ABHD3: variants seen among roughly 807,000 people sequenced by gnomAD.
The protein encoded by ABHD3 is phospholipase ABHD3.
In ABHD3, 46 loss-of-function variants were observed where a neutral mutation model predicts 48.8. The ratio of observed to expected loss-of-function variants is 0.94; its 90% confidence interval spans 0.74 to 1.20. ABHD3 has a LOEUF of 1.20. Among genes scored for constraint, ABHD3 ranks in the 50% most tolerant of loss-of-function variants. The pLI is 0.00. For synonymous variants in ABHD3, 192 were observed against 183.7 expected (o/e 1.04, Z -0.36); for missense variants, 490 against 497.8 (o/e 0.98, Z 0.15).
chr18:21,704,773 G>C lies in ABHD3; in HGVS notation c.-108C>G, dbSNP rs982719835. ...GCGCCGCTGCCTACTCCCGACCACAGTGTCTCCTGCCTGGCGGAGCGCGGC... is the reference window on the plus strand; with the variant it reads ...GCGCCGCTGCCTACTCCCGACCACACTGTCTCCTGCCTGGCGGAGCGCGGC... On this transcript the variant is annotated 5_prime_UTR_variant, in exon 1 of 9. Coordinates refer to ENST00000289119, the MANE Select transcript of ABHD3 (RefSeq NM_138340.5). The C allele has an allele frequency of 5.0e-4, 545 of 1,081,452 alleles. 5 individuals carry two copies. The African/African-American group carries it at 9.5e-3, about 19-fold the overall frequency. The allele number at this position is 1,081,452 out of a possible 1,614,324, so 67.0% of individuals were successfully genotyped here.
intron 4 of ABHD3, among the ~76,000 whole-genome samples, chr18:21,674,367 G>T (rs2039828286): frequency 6.6e-6 from 1 of 151,400 alleles, no homozygotes; most frequent in Non-Finnish European, 1.5e-5. Flanking sequence ...TCAACCTCCT[G>T]AGTAGCTGGG....
intron 4 of ABHD3, among the ~76,000 whole-genome samples, chr18:21,670,347 A>G (rs2039729679): frequency 6.6e-6 from 1 of 152,196 alleles, no homozygotes; most frequent in East Asian, 1.9e-4. Flanking sequence ...CTGGACTGCC[A>G]CAAAACTGGT....
At chr18:21,689,853 T>C (rs1009920337) in intron 3 of ABHD3, among the ~76,000 whole-genome samples, 3 of 152,084 alleles carry the variant, frequency 2.0e-5, no homozygotes, top group Admixed American at 6.6e-5. Flanking sequence ...GCAGCCAAGT[T>C]AACTATCTAA....
chr18:21,658,083 G>A (rs2039399277), intron 6 of ABHD3, among the ~76,000 whole-genome samples: 1 of 151,826 alleles, frequency 6.6e-6, no homozygotes, highest in East Asian at 1.9e-4. Context: ...TGTAGTCCCA[G>A]CTACTTGAGA....
Position 21,651,661 on chromosome 18 carries a change from G to A in ABHD3, c.1160C>T (p.Ser387Phe). 6.2e-7 allele frequency: 1 copy of A among 1,613,984 alleles called. No homozygotes were observed. The highest frequency in any genetic ancestry group is 8.5e-7 in the Non-Finnish European group (1 of 1,179,978). ...CTTGAAGACACGATCCATGTAAGTG[G>A]ACTGTCTTGGCCAGATTCCCTCCAG... The part of the protein sequence containing the change: ...GFLEGIWPRQ[S>F]TYMDRVFKQF... Residue 387 changes from serine (S) to phenylalanine (F), a missense_variant, in exon 9 of 9, where the codon TCC (serine) becomes TTC (phenylalanine). Coordinates refer to ENST00000289119, the MANE Select transcript of ABHD3 (RefSeq NM_138340.5).
intron 4 of ABHD3, among the ~76,000 whole-genome samples, chr18:21,666,168 G>A: frequency 6.6e-6 from 1 of 151,898 alleles, no homozygotes. Flanking sequence ...TGAGTAGCTG[G>A]GACTGCAGGT....
chr18:21,651,640 A>C lies in ABHD3; in HGVS notation c.1181T>G (p.Phe394Cys). 1 of 1,614,108 alleles carries C rather than the reference A, an allele frequency of 6.2e-7. No individual in the cohort carries two copies. Among genetic ancestry groups the C allele is most frequent in the Non-Finnish European group, 8.5e-7 (1 of 1,180,006 alleles). The change falls in exon 9 of 9, where the codon TTC becomes TGC. Residue 394 changes from phenylalanine to cysteine, a missense_variant. Transcript: ENST00000289119. ...AACCATGGCTTGCACAAATTGCTTG[A>C]AGACACGATCCATGTAAGTGGACTG... The part of the protein sequence containing the change: ...PRQSTYMDRV[F>C]KQFVQAMVEH...
intron 3 of ABHD3, among the ~76,000 whole-genome samples, chr18:21,691,628 T>C (rs1432222362): frequency 6.6e-6 from 1 of 152,238 alleles, no homozygotes; most frequent in Non-Finnish European, 1.5e-5. Flanking sequence ...TGGAGAACAC[T>C]GAAAGTCAAT....
intron 4 of ABHD3, among the ~76,000 whole-genome samples, chr18:21,672,140 T>C (rs1178119421): frequency 6.6e-6 from 1 of 152,224 alleles, no homozygotes; most frequent in African/African-American, 2.4e-5. Flanking sequence ...CTCCTGACAG[T>C]TTTCTTGTAC....
chr18:21,697,223 G>A (rs2040391048), intron 3 of ABHD3, among the ~76,000 whole-genome samples: 2 of 150,788 alleles, frequency 1.3e-5, no homozygotes, highest in African/African-American at 2.4e-5. Context: ...CTACAGGCAC[G>A]CACCACCATA....
chr18:21,687,366 G>A (rs910456335), intron 3 of ABHD3, among the ~76,000 whole-genome samples: 2 of 143,132 alleles, frequency 1.4e-5, no homozygotes, highest in Admixed American at 7.1e-5. Context: ...CTACCACCAC[G>A]CCAGGCTAAT....
At chr18:21,683,899 T>C in intron 4 of ABHD3, 21 bp downstream of exon 4, 1 of 1,578,712 alleles carries the variant, frequency 6.3e-7, no homozygotes, top group Middle Eastern at 1.7e-4. Context: ...GTTAAGACTG[T>C]TGTCATTTAA....
rs1466306477 is a variant in ABHD3, at chr18:21,651,062, T to C, written c.*529A>G. 2 of 152,210 alleles carry C rather than the reference T, an allele frequency of 1.3e-5. No individual in the cohort carries two copies. Among genetic ancestry groups the C allele is most frequent in the African/African-American group, 4.8e-5 (2 of 41,462 alleles). 9.4% of individuals were successfully genotyped at this position (152,210 alleles called of 1,614,324 possible). ...CATATAGAAGTCAGTCTAACTTTGT[T>C]GCACTTGTCTTTTAAAGTTAGAATA... On this transcript the variant is annotated 3_prime_UTR_variant, in exon 9 of 9. Coordinates refer to ENST00000289119, the MANE Select transcript of ABHD3 (RefSeq NM_138340.5).
chr18:21,704,381 C>T, intron 1 of ABHD3, 123 bp downstream of exon 1: 1 of 1,069,834 alleles, frequency 9.3e-7, no homozygotes, highest in Non-Finnish European at 1.2e-6. Context: ...GGCTGCCGCT[C>T]GGGAGCAGCT....
At chr18:21,702,624 C>A in intron 2 of ABHD3, 126 bp from the exon 3 acceptor site, 2 of 765,174 alleles carry the variant, frequency 2.6e-6, no homozygotes, top group Admixed American at 6.7e-5. Context: ...CACGAACACA[C>A]ACCCATATCT....
At chr18:21,651,894 A>T in intron 8 of ABHD3, 131 bp from the exon 9 acceptor site, 1 of 742,688 alleles carries the variant, frequency 1.3e-6, no homozygotes, top group Non-Finnish European at 2.1e-6. Flanking sequence ...CCATTATATA[A>T]ATATATGTAA....
intron 3 of ABHD3, among the ~76,000 whole-genome samples, chr18:21,696,986 CAA>C (rs930395790): frequency 1.3e-4 from 19 of 151,968 alleles, no homozygotes; most frequent in African/African-American, 4.4e-4. Flanking sequence ...AGGAACTATC[CAA>C]AAGAGTACAT....
chr18:21,653,818 C>T (rs1431075538), intron 8 of ABHD3, among the ~76,000 whole-genome samples: 3 of 149,118 alleles, frequency 2.0e-5, no homozygotes, highest in South Asian at 4.2e-4. Flanking sequence ...ACAGCTTGAG[C>T]CCAGGAGTTT....
chr18:21,691,734 T>A (rs1000854731), intron 3 of ABHD3, among the ~76,000 whole-genome samples: 2 of 152,204 alleles, frequency 1.3e-5, no homozygotes, highest in African/African-American at 4.8e-5. Context: ...CTGTCATGTC[T>A]TGAATTTCCC....
Sources: gnomAD v4.1 joint callset for allele counts (sites outside exome capture counted in the v4.1 genomes callset) on GRCh38, gnomAD v4.1.1 for gene constraint, MANE v1.5 for transcripts, NCBI Gene and HGNC (gene_info 2026-07-23, HGNC 2026-07-21) for gene names.